CCDC192: variants seen among roughly 807,000 people sequenced by gnomAD.
CCDC192 encodes the protein coiled-coil domain containing 192, also known as coiled-coil domain-containing protein 192.
intron 5 of CCDC192, among the ~76,000 whole-genome samples, chr5:127,808,921 A>C (rs573127654): frequency 1.6e-4 from 25 of 152,312 alleles, no homozygotes; most frequent in African/African-American, 5.5e-4. Flanking sequence ...CCTGGATTTA[A>C]TGTTGATTTT....
chr5:127,710,281 G>A (rs966155570), intron 2 of CCDC192, among the ~76,000 whole-genome samples: 1 of 152,172 alleles, frequency 6.6e-6, no homozygotes, highest in African/African-American at 2.4e-5. Flanking sequence ...ACAGAACTCA[G>A]CAGAATGGAT....
chr5:127,805,438 T>C (rs1580688537), intron 5 of CCDC192, among the ~76,000 whole-genome samples: 1 of 152,232 alleles, frequency 6.6e-6, no homozygotes, highest in East Asian at 1.9e-4. Flanking sequence ...GTATTTTTGC[T>C]GCATATATAT....
chr5:127,859,339 G>A (rs969103897), intron 5 of CCDC192, among the ~76,000 whole-genome samples: 1 of 152,010 alleles, frequency 6.6e-6, no homozygotes, highest in Non-Finnish European at 1.5e-5. Context: ...ATGTCTCTAT[G>A]GTCAGACACA....
At chr5:127,909,733 C>G (rs937238525) in intron 6 of CCDC192, among the ~76,000 whole-genome samples, 3 of 152,104 alleles carry the variant, frequency 2.0e-5, no homozygotes, top group Admixed American at 2.0e-4. Context: ...AGTGCTAAGA[C>G]AATGATGCAC....
At chr5:127,810,289 C>T (rs1758006177) in intron 5 of CCDC192, among the ~76,000 whole-genome samples, 1 of 152,138 alleles carries the variant, frequency 6.6e-6, no homozygotes, top group Non-Finnish European at 1.5e-5. Context: ...CTGTTGGAGC[C>T]TCTGCTGTGC....
At chr5:127,766,155 G>A (rs948911123) in intron 3 of CCDC192, among the ~76,000 whole-genome samples, 2 of 152,128 alleles carry the variant, frequency 1.3e-5, no homozygotes, top group Non-Finnish European at 2.9e-5. Context: ...GTTTAAGGGA[G>A]GAAAGGGTAA....
chr5:127,745,150 G>T (rs375984165), intron 2 of CCDC192, among the ~76,000 whole-genome samples: 6 of 152,120 alleles, frequency 3.9e-5, no homozygotes, highest in African/African-American at 1.4e-4. Context: ...TCTGTCTTCT[G>T]CAGACAGGAA....
intron 2 of CCDC192, among the ~76,000 whole-genome samples, chr5:127,746,280 G>A (rs1020423521): frequency 2.6e-5 from 4 of 152,260 alleles, no homozygotes; most frequent in Non-Finnish European, 2.9e-5. Flanking sequence ...AACAGTCCTC[G>A]TTTATGCCTG....
chr5:127,768,267 A>G (rs112211137), intron 3 of CCDC192, among the ~76,000 whole-genome samples: 3,306 of 147,368 alleles, frequency 0.022, 123 homozygotes, highest in African/African-American at 0.08. Flanking sequence ...ATAAAAAAGT[A>G]AAAAAAAAAT....
At chr5:127,766,892 T>TA (rs1295402772) in intron 3 of CCDC192, among the ~76,000 whole-genome samples, 1 of 152,190 alleles carries the variant, frequency 6.6e-6, no homozygotes, top group African/African-American at 2.4e-5. Context: ...CTTCCTGCTT[T>TA]AAAATTCATC....
intron 5 of CCDC192, among the ~76,000 whole-genome samples, chr5:127,874,256 A>G (rs778902391): frequency 7.9e-5 from 12 of 152,202 alleles, no homozygotes; most frequent in Non-Finnish European, 1.5e-4. Context: ...AAGAAGTTCC[A>G]TGACTACCAT....
intron 6 of CCDC192, among the ~76,000 whole-genome samples, chr5:127,903,630 C>T (rs1051203831): frequency 2.6e-4 from 39 of 152,072 alleles, no homozygotes; most frequent in African/African-American, 9.2e-4. Context: ...ATGAGTGGAG[C>T]CTCCAATAAT....
At chr5:127,803,034 C>G (rs764126526) in intron 5 of CCDC192, among the ~76,000 whole-genome samples, 1 of 152,068 alleles carries the variant, frequency 6.6e-6, no homozygotes, top group Non-Finnish European at 1.5e-5. Flanking sequence ...AACACAGTTG[C>G]TGGAAATTCC....
chr5:127,782,725 G>A (rs973263303), intron 3 of CCDC192, among the ~76,000 whole-genome samples: 7 of 151,876 alleles, frequency 4.6e-5, no homozygotes, highest in African/African-American at 7.3e-5. Context: ...TCTTGCTAAC[G>A]ATGTATCAAT....
chr5:127,813,420 G>T (rs1185843809), intron 5 of CCDC192, among the ~76,000 whole-genome samples: 7 of 152,118 alleles, frequency 4.6e-5, no homozygotes, highest in Admixed American at 4.6e-4. Flanking sequence ...AAAGGAAATT[G>T]TTTCTAGCTT....
At chr5:127,758,079 G>T (rs1754713253) in intron 3 of CCDC192, among the ~76,000 whole-genome samples, 1 of 151,976 alleles carries the variant, frequency 6.6e-6, no homozygotes. Context: ...TCAAACAATG[G>T]ATCCTGCCTT....
chr5:127,840,416 AG>A (rs1233101198), intron 5 of CCDC192, among the ~76,000 whole-genome samples: 2 of 152,210 alleles, frequency 1.3e-5, no homozygotes, highest in Non-Finnish European at 2.9e-5. Context: ...GTAGAAATAA[AG>A]CTTCAAAGAA....
intron 6 of CCDC192, among the ~76,000 whole-genome samples, chr5:127,922,321 G>A: frequency 6.6e-6 from 1 of 152,322 alleles, no homozygotes; most frequent in African/African-American, 2.4e-5. Flanking sequence ...AATGAGACTT[G>A]TAATAATGGG....
chr5:127,820,850 C>T (rs956617119), intron 5 of CCDC192, among the ~76,000 whole-genome samples: 6 of 152,024 alleles, frequency 3.9e-5, no homozygotes, highest in Admixed American at 2.0e-4. Flanking sequence ...ATGATATAAT[C>T]GTAAACTAGT....
Sources: gnomAD v4.1 joint callset for allele counts (sites outside exome capture counted in the v4.1 genomes callset) on GRCh38, gnomAD v4.1.1 for gene constraint, MANE v1.5 for transcripts, NCBI Gene and HGNC (gene_info 2026-07-23, HGNC 2026-07-21) for gene names.